Variants in EHD4 observed in about 807,000 individuals in gnomAD.
EHD4 encodes EH domain containing 4, also known as EH domain-containing protein 4.
A neutral mutation model predicts 51.0 loss-of-function variants in EHD4; 37 were observed. The observed-to-expected ratio is 0.73, with a 90% confidence interval of 0.56 to 0.95. EHD4 has a LOEUF of 0.95. Ranked by LOEUF, EHD4 falls within the 40% of genes least tolerant of loss-of-function variation. EHD4 has a pLI of 0.00. For synonymous variants in EHD4, 297 were observed against 317.3 expected, an observed-to-expected ratio of 0.94 and a Z score of 0.68; for missense variants, 632 against 733.1, an observed-to-expected ratio of 0.86 and a Z score of 1.59.
intron 2 of EHD4, among the ~76,000 whole-genome samples, chr15:41,944,608 TCA>T (rs1164134840): frequency 6.6e-6 from 1 of 152,316 alleles, no homozygotes; most frequent in East Asian, 1.9e-4. Context: ...ATACGATTTT[TCA>T]CACAGTCTTT....
At chr15:41,904,367 C>T (rs773840882) in intron 5 of EHD4, among the ~76,000 whole-genome samples, 1 of 152,030 alleles carries the variant, frequency 6.6e-6, no homozygotes, top group Non-Finnish European at 1.5e-5. Flanking sequence ...TGGTCCCCCC[C>T]AGGCTTGACC....
Position 41,972,259 on chromosome 15 carries a change from C to T in EHD4, c.236G>A (p.Arg79Lys). ...QYSTGKTTFI[R>K]YLLEQDFPGM... is the part of the protein sequence containing the mutation. ...GCCGGGCGAGGGGCGGTGACGGTAC[C>T]TGATGAAGGTGGTCTTGCCGGTGCT... The change falls in exon 1 of 6, where the codon AGA becomes AAA. Residue 79 changes from arginine to lysine, a missense_variant and splice_region_variant. By Grantham distance (26) the Arg-to-Lys change is conservative. Transcript: ENST00000220325. 1 of 1,557,230 alleles carries T rather than the reference C, an allele frequency of 6.4e-7. No individual in the cohort carries two copies. The highest frequency in any genetic ancestry group is 2.6e-5 in the East Asian group (1 of 38,330).
rs778505586 is a variant in EHD4 at position 41,900,627 on chromosome 15, C to G, written c.*18G>C. 1.3e-6 allele frequency: 2 copies of G among 1,560,904 alleles called. No homozygotes were observed. Among genetic ancestry groups the G allele is most frequent in the East Asian group, 4.6e-5 (2 of 43,660 alleles). The stretch of plus-strand genomic sequence containing the variant: ...GGCCCAGGTCCCCCAGTTCCCACCC[C>G]GTTCTGCAGCCCACCCCTCAGTCGG... On this transcript the variant is annotated 3_prime_UTR_variant, in exon 6 of 6. Transcript: ENST00000220325. This position sits in a 1 kb window ranked among gnomAD's most constrained non-coding sequence, Gnocchi z 4.8.
rs745618976 is a variant in EHD4, at chr15:41,898,876, A to C, written c.*1769T>G. 4 of 152,182 alleles carry C rather than the reference A, an allele frequency of 2.6e-5. No individual in the cohort carries two copies. The highest frequency in any genetic ancestry group is 5.9e-5 in the Non-Finnish European group (4 of 68,024). 9.4% of individuals were successfully genotyped at this position (152,182 alleles called of 1,614,324 possible). On this transcript the variant is annotated 3_prime_UTR_variant, in exon 6 of 6. Transcript: ENST00000220325. ...ATAAAATAATAAATGGTTCTTTTCT[A>C]TGCGTCTAATGAATTTAAGTGCTTG...
At chr15:41,922,023 G>A (rs1361633457) in intron 3 of EHD4, among the ~76,000 whole-genome samples, 1 of 152,180 alleles carries the variant, frequency 6.6e-6, no homozygotes, top group African/African-American at 2.4e-5. Context: ...CATTAATCCT[G>A]TGACAAATTC....
At chr15:41,942,965 C>T (rs922925455) in intron 3 of EHD4, 102 bp downstream of exon 3, 7 of 1,172,920 alleles carry the variant, frequency 6.0e-6, no homozygotes, top group Non-Finnish European at 8.5e-6. Context: ...CAACAGCTGT[C>T]CTGGAGGACG....
intron 3 of EHD4, among the ~76,000 whole-genome samples, chr15:41,938,978 T>C (rs758330627): frequency 5.9e-5 from 9 of 152,216 alleles, no homozygotes; most frequent in African/African-American, 4.8e-5. Flanking sequence ...ATGGACTCAA[T>C]AGTATTCTAG....
At chr15:41,954,085 G>T in intron 1 of EHD4, 145 bp from the exon 2 acceptor site, 1 of 893,684 alleles carries the variant, frequency 1.1e-6, no homozygotes, top group Non-Finnish European at 1.7e-6. Context: ...ATCCTCCTCT[G>T]CATTTCTGTT....
intron 2 of EHD4, 123 bp downstream of exon 2, chr15:41,953,641 T>C (rs1566826322): frequency 9.3e-7 from 1 of 1,072,430 alleles, no homozygotes; most frequent in Non-Finnish European, 1.3e-6. Context: ...AAACATATTT[T>C]GTATGACTTC....
chr15:41,907,885 T>A (rs546449084), intron 5 of EHD4, among the ~76,000 whole-genome samples: 2 of 151,234 alleles, frequency 1.3e-5, no homozygotes, highest in South Asian at 4.2e-4. Context: ...TATTTATTTA[T>A]TTTTTGAGAT....
intron 1 of EHD4, among the ~76,000 whole-genome samples, chr15:41,954,836 C>T (rs2067876438): frequency 6.6e-6 from 1 of 152,164 alleles, no homozygotes; most frequent in Admixed American, 6.5e-5. Flanking sequence ...CACCATGTTG[C>T]CCAGGCTGGT....
chr15:41,934,058 G>A (rs78647939), intron 3 of EHD4, among the ~76,000 whole-genome samples: 3,010 of 152,178 alleles, frequency 0.02, 47 homozygotes, highest in South Asian at 0.036. Context: ...TCTCCCCTCC[G>A]TTCTCTGAGA....
chr15:41,946,729 T>C (rs1595542084), intron 2 of EHD4, among the ~76,000 whole-genome samples: 1 of 152,226 alleles, frequency 6.6e-6, no homozygotes, highest in East Asian at 1.9e-4. Context: ...CTGTCTCAGA[T>C]AAATACATAC....
Position 41,902,783 on chromosome 15 carries a change from ATATG to A in EHD4, c.1090-1606_1090-1603del, listed in dbSNP as rs140967129. Among the ~76,000 whole-genome samples, 1,045 of 149,326 alleles carry A rather than the reference ATATG, an allele frequency of 7.0e-3. 18 individuals are homozygous for A. Among genetic ancestry groups the A allele is most frequent in the African/African-American group, 0.024 (988 of 40,786 alleles). ...TATACATATATGTATGTGTGTATAT[ATATG>A]TATGTGTATATATATGTATGTGTAT... On this transcript the variant is annotated intron_variant, in intron 5 of 5. Transcript: ENST00000220325.
intron 4 of EHD4, among the ~76,000 whole-genome samples, chr15:41,916,569 T>C: frequency 6.6e-6 from 1 of 152,348 alleles, no homozygotes; most frequent in Admixed American, 6.5e-5. Flanking sequence ...AAAGCACTTT[T>C]GGAAAATATA....
At chr15:41,945,170 A>G (rs1465219115) in intron 2 of EHD4, among the ~76,000 whole-genome samples, 1 of 152,180 alleles carries the variant, frequency 6.6e-6, no homozygotes, top group African/African-American at 2.4e-5. Context: ...TATCACACCT[A>G]CGTGAAACAA....
At chr15:41,937,972 G>A (rs1159131334) in intron 3 of EHD4, among the ~76,000 whole-genome samples, 2 of 152,168 alleles carry the variant, frequency 1.3e-5, no homozygotes, top group Non-Finnish European at 2.9e-5. Context: ...TCTTGGGAAA[G>A]GGACCCAAGC....
At chr15:41,923,791 TGGTG>T (rs2067643157) in intron 3 of EHD4, among the ~76,000 whole-genome samples, 4 of 152,218 alleles carry the variant, frequency 2.6e-5, no homozygotes, top group Admixed American at 2.6e-4. Flanking sequence ...GATGTTTAGG[TGGTG>T]CATCACAGGT....
At chr15:41,945,279 T>C (rs2067804125) in intron 2 of EHD4, among the ~76,000 whole-genome samples, 1 of 152,114 alleles carries the variant, frequency 6.6e-6, no homozygotes, top group African/African-American at 2.4e-5. Context: ...CCCTAGATTC[T>C]CAGGTGAGGC....
Sources: allele counts gnomAD v4.1 joint callset (sites outside exome capture counted in the v4.1 genomes callset), GRCh38; gene constraint gnomAD v4.1.1; non-coding constraint Gnocchi (gnomAD v3.1); transcripts MANE v1.5; gene names NCBI Gene and HGNC (gene_info 2026-07-23, HGNC 2026-07-21).